Variants in LRP1B observed in about 807,000 individuals in gnomAD.
The protein encoded by LRP1B is low-density lipoprotein receptor-related protein 1B.
LRP1B carries 217 observed loss-of-function variants against 556.6 expected under a neutral mutation model. The ratio of observed to expected loss-of-function variants is 0.39; its 90% CI spans 0.35 to 0.44. LRP1B has a LOEUF of 0.44. Ranked by LOEUF, LRP1B falls within the 20% of genes least tolerant of loss-of-function variation. The pLI, the probability that LRP1B is intolerant of heterozygous loss-of-function variation, is 1.00. For missense variants in LRP1B, 5,053 were observed against 5,620.8 expected, an observed-to-expected ratio of 0.90 and a Z score of 3.23; for synonymous variants, 2,047 against 1,865.8, an observed-to-expected ratio of 1.10 and a Z score of -2.50.
intron 66 of LRP1B, among the ~76,000 whole-genome samples, chr2:140,427,848 C>T (rs1013763745): frequency 4.6e-5 from 7 of 152,104 alleles, no homozygotes; most frequent in African/African-American, 1.7e-4. Flanking sequence ...GCCTCCGCTC[C>T]TCCACCCTAT....
chr2:141,996,462 G>A (rs1702494247), intron 1 of LRP1B, among the ~76,000 whole-genome samples: 2 of 152,100 alleles, frequency 1.3e-5, no homozygotes, highest in Non-Finnish European at 2.9e-5. Flanking sequence ...TTGCAAGGTA[G>A]TACTGAGGTT....
chr2:140,991,555 TG>T (rs1697093231), intron 16 of LRP1B, among the ~76,000 whole-genome samples: 1 of 152,116 alleles, frequency 6.6e-6, no homozygotes, highest in Non-Finnish European at 1.5e-5. Flanking sequence ...TGCCAGGCAC[TG>T]TGCTAGACCG....
chr2:141,657,721 T>A (rs1160083382), intron 2 of LRP1B, among the ~76,000 whole-genome samples: 1 of 152,208 alleles, frequency 6.6e-6, no homozygotes, highest in African/African-American at 2.4e-5. Context: ...AGGAATTATC[T>A]GGGATGTGTG....
In LRP1B at chr2:141,295,472, A is replaced by AC. The variant is rs547669385; in HGVS notation, c.344-40832_344-40831insG. Among the ~76,000 whole-genome samples the AC allele has an allele frequency of 2.2e-3, 329 of 152,240 alleles. 1 individual carries two copies. Among genetic ancestry groups the AC allele is most frequent in the African/African-American group, 7.3e-3 (305 of 41,546 alleles). ...GAATCTCAATTTAGGGAGGAAAAAA[A>AC]ATTGTCAATGGTCTGAACTAATTTT... On this transcript the variant is annotated intron_variant, in intron 3 of 90. Coordinates refer to ENST00000389484, the MANE Select transcript of LRP1B (RefSeq NM_018557.3).
intron 6 of LRP1B, among the ~76,000 whole-genome samples, chr2:141,193,029 G>T (rs1310530056): frequency 1.3e-5 from 2 of 151,878 alleles, no homozygotes; most frequent in Admixed American, 6.6e-5. Flanking sequence ...GGCAAGTAAT[G>T]AATTACCAGA....
intron 1 of LRP1B, among the ~76,000 whole-genome samples, chr2:141,824,514 G>A (rs1419701558): frequency 6.6e-6 from 1 of 152,076 alleles, no homozygotes; most frequent in Non-Finnish European, 1.5e-5. Flanking sequence ...ACAGGCGCCC[G>A]CCACCGTGCC....
At chr2:141,768,904 TAATA>T (rs1408466481) in intron 2 of LRP1B, among the ~76,000 whole-genome samples, 2 of 152,062 alleles carry the variant, frequency 1.3e-5, no homozygotes, top group African/African-American at 4.8e-5. Context: ...TGTGGTCATT[TAATA>T]TATATGTATA....
chr2:142,005,907 A>C (rs1324917399), intron 1 of LRP1B, among the ~76,000 whole-genome samples: 3 of 151,854 alleles, frequency 2.0e-5, no homozygotes, highest in Non-Finnish European at 4.4e-5. Context: ...AGAAAAAAAA[A>C]AGAAAAAAAA....
At chr2:141,642,012 C>A (rs1689356483) in intron 2 of LRP1B, among the ~76,000 whole-genome samples, 1 of 151,672 alleles carries the variant, frequency 6.6e-6, no homozygotes, top group African/African-American at 2.4e-5. Context: ...AACAAAACCC[C>A]CCCCCAAAAA....
chr2:141,495,805 C>CAT, intron 2 of LRP1B, among the ~76,000 whole-genome samples: 1 of 152,088 alleles, frequency 6.6e-6, no homozygotes, highest in Middle Eastern at 3.4e-3. Flanking sequence ...TAAATATACA[C>CAT]ATATATATCT....
chr2:141,147,505 C>G (rs1217743099), intron 7 of LRP1B, among the ~76,000 whole-genome samples: 3 of 152,056 alleles, frequency 2.0e-5, no homozygotes, highest in Non-Finnish European at 4.4e-5. Flanking sequence ...TATGTATTAA[C>G]AGAGAGCATT....
chr2:141,732,608 G>A (rs1326927571), intron 2 of LRP1B, among the ~76,000 whole-genome samples: 3 of 152,084 alleles, frequency 2.0e-5, no homozygotes, highest in Middle Eastern at 3.4e-3. Flanking sequence ...CAGTCGATCC[G>A]CAGAAATATC....
At chr2:140,710,905 T>C (rs1346391186) in intron 37 of LRP1B, among the ~76,000 whole-genome samples, 2 of 152,084 alleles carry the variant, frequency 1.3e-5, no homozygotes, top group Non-Finnish European at 2.9e-5. Flanking sequence ...TTCTGAGAAG[T>C]TGAGAAGAAA....
rs182276878 is a variant in LRP1B at position 140,746,102 on chromosome 2, C to G, written c.5758+23111G>C. ...AGTGTGCACAATATGGGAAGTTGTC[C>G]AGCCTTGAGTTTAACATATGATTCA... On this transcript the variant is annotated intron_variant, in intron 35 of 90. Coordinates refer to ENST00000389484, the MANE Select transcript of LRP1B (RefSeq NM_018557.3). 5.3e-5 allele frequency among the ~76,000 whole-genome samples: 8 copies of G among 152,132 alleles called. No individual in the cohort carries two copies. The East Asian group carries it at 1.6e-3, about 29-fold the overall frequency.
At chr2:141,396,094 C>A (rs917684789) in intron 3 of LRP1B, among the ~76,000 whole-genome samples, 2 of 152,116 alleles carry the variant, frequency 1.3e-5, no homozygotes, top group Non-Finnish European at 2.9e-5. Context: ...AGAATATCTG[C>A]ATTTGCACAC....
intron 7 of LRP1B, among the ~76,000 whole-genome samples, chr2:141,179,527 T>G (rs1401718287): frequency 6.6e-6 from 1 of 152,054 alleles, no homozygotes; most frequent in African/African-American, 2.4e-5. Flanking sequence ...AACATTCCAC[T>G]GGGGTACATT....
chr2:140,264,190 C>T (rs539267428), intron 86 of LRP1B, among the ~76,000 whole-genome samples: 1 of 151,944 alleles, frequency 6.6e-6, no homozygotes, highest in Non-Finnish European at 1.5e-5. Context: ...AGATTGGATT[C>T]GGGATCACCA....
intron 79 of LRP1B, among the ~76,000 whole-genome samples, chr2:140,329,542 G>T (rs1288932918): frequency 6.6e-6 from 1 of 151,892 alleles, no homozygotes; most frequent in South Asian, 2.1e-4. Context: ...GCAATTTCAG[G>T]AAAGTCTTAG....
chr2:141,533,663 C>T (rs913133703), intron 2 of LRP1B, among the ~76,000 whole-genome samples: 2 of 152,124 alleles, frequency 1.3e-5, no homozygotes, highest in Admixed American at 1.3e-4. Context: ...AAATGGCTAC[C>T]GCTAAATGAC....
Sources: gnomAD v4.1 joint callset for allele counts (sites outside exome capture counted in the v4.1 genomes callset) on GRCh38, gnomAD v4.1.1 for gene constraint, MANE v1.5 for transcripts, NCBI Gene and HGNC (gene_info 2026-07-23, HGNC 2026-07-21) for gene names.